Variants in FMN1 observed in about 807,000 individuals in gnomAD.
The protein encoded by FMN1 is formin-1.
Under a neutral mutation model 132.4 loss-of-function variants are expected in FMN1, and 110 were observed. That is an observed-to-expected ratio of 0.83 (90% confidence interval 0.71 to 0.97). The LOEUF is 0.97. Ranked by LOEUF, FMN1 falls within the 50% of genes least tolerant of loss-of-function variation. The probability of loss-of-function intolerance (pLI) is 0.00; values close to 1 mark genes in which losing one functional copy is unlikely to be tolerated. For synonymous variants in FMN1, 722 were observed against 651.7 expected, an observed-to-expected ratio of 1.11 and a Z score of -1.64; for missense variants, 1,792 against 1,705.3, an observed-to-expected ratio of 1.05 and a Z score of -0.90.
At chr15:33,064,763 T>A in intron 6 of FMN1, 194 bp downstream of exon 6, 1 of 420,178 alleles carries the variant, frequency 2.4e-6, no homozygotes, top group Non-Finnish European at 4.3e-6. Context: ...ACTGCATTCA[T>A]CTTTCATCTT....
chr15:32,943,355 C>T (rs796671492), intron 9 of FMN1, among the ~76,000 whole-genome samples: 1 of 152,132 alleles, frequency 6.6e-6, no homozygotes, highest in Non-Finnish European at 1.5e-5. Flanking sequence ...ATTTTTGTGC[C>T]ATCAAACTAG....
At chr15:33,040,680 T>C (rs2036392703) in intron 6 of FMN1, among the ~76,000 whole-genome samples, 1 of 152,210 alleles carries the variant, frequency 6.6e-6, no homozygotes. Flanking sequence ...CCAGATAGAA[T>C]ATGTGCTCTA....
chr15:33,020,610 C>A (rs2035365452), intron 6 of FMN1, among the ~76,000 whole-genome samples: 1 of 148,266 alleles, frequency 6.7e-6, no homozygotes, highest in Non-Finnish European at 1.5e-5. Flanking sequence ...TGCACTCCAG[C>A]CTGGGAGACA....
At chr15:33,127,015 T>A (rs368617476) in intron 4 of FMN1, among the ~76,000 whole-genome samples, 1 of 152,186 alleles carries the variant, frequency 6.6e-6, no homozygotes, top group Non-Finnish European at 1.5e-5. Context: ...TGTGGGAGTT[T>A]GAGAAAACTG....
chr15:32,869,905 G>C (rs2059474813), intron 16 of FMN1, among the ~76,000 whole-genome samples: 1 of 152,170 alleles, frequency 6.6e-6, no homozygotes, highest in Admixed American at 6.5e-5. Flanking sequence ...GGAAGTTGGG[G>C]GTGCGGGGAA....
intron 3 of FMN1, among the ~76,000 whole-genome samples, chr15:33,168,680 T>C (rs1965201045): frequency 6.6e-6 from 1 of 152,190 alleles, no homozygotes; most frequent in African/African-American, 2.4e-5. Context: ...GTCCTCTTTG[T>C]GATTAGGAGG....
intron 6 of FMN1, among the ~76,000 whole-genome samples, chr15:33,015,311 G>A (rs1486296039): frequency 1.3e-5 from 2 of 152,256 alleles, no homozygotes; most frequent in African/African-American, 4.8e-5. Flanking sequence ...AAAGGGGAAT[G>A]CTAATTTTAA....
At chr15:33,028,336 C>G (rs565127952) in intron 6 of FMN1, among the ~76,000 whole-genome samples, 37 of 152,238 alleles carry the variant, frequency 2.4e-4, no homozygotes, top group African/African-American at 8.4e-4. Context: ...ACATTTGACT[C>G]TCACTCCAAG....
chr15:32,963,402 G>A (rs969122561), intron 9 of FMN1, among the ~76,000 whole-genome samples: 3 of 151,766 alleles, frequency 2.0e-5, no homozygotes, highest in East Asian at 1.9e-4. Context: ...GCTAGATGAC[G>A]CGTTAGTGGG....
chr15:33,036,954 G>A (rs1001429503), intron 6 of FMN1, among the ~76,000 whole-genome samples: 1 of 152,204 alleles, frequency 6.6e-6, no homozygotes, highest in African/African-American at 2.4e-5. Context: ...ATACTCTATA[G>A]AATTTAGGAG....
chr15:32,827,788 G>A (rs1369851216), intron 17 of FMN1, among the ~76,000 whole-genome samples: 1 of 151,864 alleles, frequency 6.6e-6, no homozygotes, highest in East Asian at 1.9e-4. Flanking sequence ...AGCTTGCAGT[G>A]AGCGGAGATT....
intron 7 of FMN1, among the ~76,000 whole-genome samples, chr15:33,000,220 T>G (rs2034013707): frequency 6.6e-6 from 1 of 151,002 alleles, no homozygotes; most frequent in African/African-American, 2.4e-5. Flanking sequence ...GAGGCAGAGG[T>G]GGGTGGATCA....
chr15:32,797,153 C>T (rs2057316480), intron 19 of FMN1, among the ~76,000 whole-genome samples: 1 of 152,204 alleles, frequency 6.6e-6, no homozygotes, highest in Non-Finnish European at 1.5e-5. Flanking sequence ...TTTCTTTGAT[C>T]TAACTTCTAT....
intron 7 of FMN1, among the ~76,000 whole-genome samples, chr15:33,003,327 A>AAGCTGATAAGCAACTTC (rs1331655726): frequency 6.6e-6 from 1 of 152,216 alleles, no homozygotes; most frequent in Non-Finnish European, 1.5e-5. Context: ...AAATCTCCTT[A>AAGCTGATAAGCAACTTC]AGCTGATAAG....
intron 4 of FMN1, among the ~76,000 whole-genome samples, chr15:33,090,612 C>T (rs1239566550): frequency 6.6e-6 from 1 of 152,086 alleles, no homozygotes; most frequent in East Asian, 1.9e-4. Flanking sequence ...CCAGGCTCTT[C>T]CTTCATCTCG....
intron 9 of FMN1, among the ~76,000 whole-genome samples, chr15:32,943,419 C>T (rs527807875): frequency 6.6e-6 from 1 of 152,290 alleles, no homozygotes; most frequent in Admixed American, 6.5e-5. Flanking sequence ...CACCACCTGG[C>T]CAAACTATGG....
chr15:32,827,088 G>A (rs572462754), intron 17 of FMN1, among the ~76,000 whole-genome samples: 1 of 152,258 alleles, frequency 6.6e-6, no homozygotes, highest in South Asian at 2.1e-4. Flanking sequence ...TCATGAACAG[G>A]TTGTGTGAGA....
At chr15:33,075,913 A>G (rs2038189504) in intron 5 of FMN1, among the ~76,000 whole-genome samples, 1 of 152,252 alleles carries the variant, frequency 6.6e-6, no homozygotes, top group Non-Finnish European at 1.5e-5. Flanking sequence ...TACAAATGAA[A>G]TAAAAGATTA....
chr15:32,949,811 C>A (rs2140486838), intron 9 of FMN1, among the ~76,000 whole-genome samples: 1 of 149,998 alleles, frequency 6.7e-6, no homozygotes, highest in East Asian at 2.0e-4. Flanking sequence ...ATGCATTTGA[C>A]AAAGGTTGAA....
Sources: gnomAD v4.1 joint callset for allele counts (sites outside exome capture counted in the v4.1 genomes callset) on GRCh38, gnomAD v4.1.1 for gene constraint, MANE v1.5 for transcripts, NCBI Gene and HGNC (gene_info 2026-07-23, HGNC 2026-07-21) for gene names.